The following DMD variants were observed in gnomAD, a reference collection of about 807,000 sequenced individuals.
DMD encodes dystrophin.
Under a neutral mutation model 330.1 loss-of-function variants are expected in DMD, and 63 were observed. The observed-to-expected ratio is 0.19, with a 90% CI of 0.16 to 0.24. The LOEUF is 0.24. DMD is among the 10% of genes least tolerant of loss of function. The pLI, the probability that DMD is intolerant of heterozygous loss-of-function variation, is 1.00. For synonymous variants in DMD, 1,223 were observed against 959.8 expected, an observed-to-expected ratio of 1.27 and a Z score of -5.07; for missense variants, 3,344 against 2,684.1, an observed-to-expected ratio of 1.25 and a Z score of -5.43.
intron 61 of DMD, among the ~76,000 whole-genome samples, chrX:31,348,023 A>C (rs1312779039): frequency 9.0e-6 from 1 of 111,718 alleles, no homozygotes; most frequent in Non-Finnish European, 1.9e-5. Context: ...CCTTCTTTTG[A>C]GAATTGTCAC....
chrX:33,031,071 C>A (rs2094102155), intron 1 of DMD, among the ~76,000 whole-genome samples: 2 of 111,232 alleles, frequency 1.8e-5, no homozygotes, highest in Non-Finnish European at 3.8e-5. Flanking sequence ...TCCCTTATTT[C>A]ACCGAGCCAT....
intron 30 of DMD, among the ~76,000 whole-genome samples, chrX:32,405,343 C>T (rs1015526765): frequency 9.0e-6 from 1 of 111,218 alleles, no homozygotes; most frequent in African/African-American, 3.3e-5. Flanking sequence ...TAAATTTGTT[C>T]CATGTGTTTC....
Position 32,412,116 on chromosome X carries a change from T to C in DMD, c.4072-203A>G, listed in dbSNP as rs764026008. Reference sequence around the variant, plus strand: ...GAAAAATAAATAGCAAACAAAACTATAGGATCAGGGATCTCTGCATGAAAA... The same window carrying C: ...GAAAAATAAATAGCAAACAAAACTACAGGATCAGGGATCTCTGCATGAAAA... On this transcript the variant is annotated intron_variant, in intron 29 of 78. Transcript: ENST00000357033. The C allele has an allele frequency of 6.3e-5, 73 of 1,157,205 alleles. No individual in the cohort carries two copies. The South Asian group carries it at 7.7e-4, about 12-fold the overall frequency.
intron 51 of DMD, among the ~76,000 whole-genome samples, chrX:31,768,237 T>C (rs1281340666): frequency 9.0e-6 from 1 of 111,310 alleles, no homozygotes; most frequent in Non-Finnish European, 1.9e-5. Context: ...TAATATCATA[T>C]GGCCATCTAA....
Position 31,833,352 on chromosome X carries a change from G to A in DMD, c.7200+3366C>T, listed in dbSNP as rs867498600. On this transcript the variant is annotated intron_variant, in intron 49 of 78. Coordinates refer to ENST00000357033, the MANE Select transcript of DMD (RefSeq NM_004006.3). ...AGAGAGGGAGAGAGTGGAGAGGGAG[G>A]GAGGGAAAGAGAGAGAGAGAGAGAG... is the stretch of plus-strand genomic sequence containing the variant. Among the ~76,000 whole-genome samples the A allele has an allele frequency of 7.6e-4, 51 of 67,334 alleles. 3 individuals are homozygous for A. The highest frequency in any genetic ancestry group is 3.0e-3 in the African/African-American group (46 of 15,467). The allele number at this position is 67,334 out of a possible 115,157, so 58.5% of individuals were successfully genotyped here. A position where few individuals can be genotyped will look rare whatever the true frequency, so the allele number is the denominator to read the frequency against.
chrX:32,027,209 C>T (rs1404124495), intron 44 of DMD, among the ~76,000 whole-genome samples: 2 of 95,568 alleles, frequency 2.1e-5, no homozygotes, highest in Non-Finnish European at 4.2e-5. Context: ...GAGAGAGAAG[C>T]GGGGGAAGGC....
intron 74 of DMD, among the ~76,000 whole-genome samples, chrX:31,158,013 C>A (rs1239981303): frequency 1.8e-5 from 2 of 109,811 alleles, no homozygotes; most frequent in African/African-American, 6.6e-5. Context: ...CCATGTTGCC[C>A]AGGCTGGTCT....
At chrX:32,712,689 G>A (rs1170927902) in intron 7 of DMD, among the ~76,000 whole-genome samples, 1 of 111,266 alleles carries the variant, frequency 9.0e-6, no homozygotes, top group African/African-American at 3.3e-5. Context: ...CATTGTAGGA[G>A]TGTTATCATA....
chrX:33,300,129 TA>T (rs1269822462), intron 1 of DMD, among the ~76,000 whole-genome samples: 2 of 112,422 alleles, frequency 1.8e-5, no homozygotes, highest in Non-Finnish European at 3.8e-5. Context: ...ACAACGACTT[TA>T]AAGTGAAGAT....
At chrX:32,310,373 T>C in intron 41 of DMD, 97 bp from the exon 42 acceptor site, 1 of 698,623 alleles carries the variant, frequency 1.4e-6, no homozygotes, top group East Asian at 3.5e-5. Flanking sequence ...AGCTGACAAT[T>C]GAATCTACAA....
intron 59 of DMD, among the ~76,000 whole-genome samples, chrX:31,449,609 G>GA (rs1418228366): frequency 9.3e-6 from 1 of 107,813 alleles, no homozygotes; most frequent in Admixed American, 1.0e-4. Context: ...TAGATGGAGA[G>GA]AAAGTAGAGG....
chrX:32,203,568 C>T (rs919676593), intron 44 of DMD, among the ~76,000 whole-genome samples: 1 of 112,326 alleles, frequency 8.9e-6, no homozygotes, highest in Non-Finnish European at 1.9e-5. Flanking sequence ...GAGGCAATTA[C>T]TAAATCCTTG....
rs398123929 is a variant in DMD at position 32,468,509 on chromosome X, G to A, written c.3151C>T (p.Arg1051Ter). Residue 1051 changes from arginine (R) to a stop codon, truncating the protein, a stop_gained, in exon 23 of 79, where the codon CGA becomes TGA. Coordinates refer to ENST00000357033, the MANE Select transcript of DMD (RefSeq NM_004006.3). LOFTEE classifies it high-confidence loss of function. ...QKLEEQMNKL[R>*]KIQNHIQTLK... ...AAATCTTGAATTACCTGAATTTTTCGGAGTTTATTCATTTGCTCCTCTAGC... is the reference window on the plus strand; with the variant it reads ...AAATCTTGAATTACCTGAATTTTTCAGAGTTTATTCATTTGCTCCTCTAGC... 2 of 1,205,010 alleles carry A rather than the reference G, an allele frequency of 1.7e-6. No homozygotes were observed. Among genetic ancestry groups the A allele is most frequent in the Non-Finnish European group, 2.2e-6 (2 of 891,303 alleles).
intron 1 of DMD, among the ~76,000 whole-genome samples, chrX:33,297,724 GA>G (rs1248515699): frequency 9.0e-6 from 1 of 110,913 alleles, no homozygotes; most frequent in African/African-American, 3.3e-5. Context: ...AATAAGGGCA[GA>G]AAAAAATGAA....
chrX:32,546,511 T>A (rs923989625), intron 16 of DMD, among the ~76,000 whole-genome samples: 1 of 111,429 alleles, frequency 9.0e-6, no homozygotes, highest in Admixed American at 9.7e-5. Flanking sequence ...CCTCAGGATC[T>A]TCTTATTTCA....
At chrX:32,466,278 G>T (rs2040014830) in intron 23 of DMD, among the ~76,000 whole-genome samples, 1 of 110,588 alleles carries the variant, frequency 9.0e-6, no homozygotes, top group South Asian at 3.9e-4. Flanking sequence ...GCTTTCTCAA[G>T]AACTCTTTCT....
chrX:32,819,849 A>G (rs1299405461), intron 5 of DMD, among the ~76,000 whole-genome samples: 2 of 67,300 alleles, frequency 3.0e-5, no homozygotes, highest in Middle Eastern at 5.4e-3. Flanking sequence ...ATGTTGGTGT[A>G]AAAAAAAAAA....
chrX:32,253,687 G>C (rs2097286452), intron 43 of DMD, among the ~76,000 whole-genome samples: 1 of 104,748 alleles, frequency 9.5e-6, no homozygotes, highest in African/African-American at 3.5e-5. Flanking sequence ...GCAGTGGCGT[G>C]ATCTTGGCTC....
chrX:31,209,991 G>C (rs1237758456), intron 64 of DMD, among the ~76,000 whole-genome samples: 1 of 111,075 alleles, frequency 9.0e-6, no homozygotes, highest in Non-Finnish European at 1.9e-5. Context: ...TGAGAGTTAA[G>C]GGGACCTAGC....
Sources: gnomAD v4.1 joint callset for allele counts (sites outside exome capture counted in the v4.1 genomes callset) on GRCh38, gnomAD v4.1.1 for gene constraint, MANE v1.5 for transcripts, NCBI Gene and HGNC (gene_info 2026-07-23, HGNC 2026-07-21) for gene names.